The following NYAP2 variants were observed in gnomAD, a reference collection of about 807,000 sequenced individuals.
NYAP2 encodes the protein neuronal tyrosine-phosphorylated phosphoinositide-3-kinase adapter 2.
In NYAP2, 23 loss-of-function variants were observed where a neutral mutation model predicts 50.4. The observed-to-expected ratio is 0.46, with a 90% CI of 0.33 to 0.65. The LOEUF (loss-of-function observed/expected upper bound fraction) is 0.65. Ranked by LOEUF, NYAP2 falls within the 30% of genes least tolerant of loss-of-function variation. The pLI, the probability that NYAP2 is intolerant of heterozygous loss-of-function variation, is 0.02. For synonymous variants in NYAP2, 394 were observed against 365.2 expected (o/e 1.08, Z -0.90); for missense variants, 885 against 861.0 (o/e 1.03, Z -0.35).
At chr2:225,696,546 T>C in the NYAP2 span, among the ~76,000 whole-genome samples, 98 of 152,104 alleles carry the variant, frequency 6.4e-4, no homozygotes, top group African/African-American at 2.2e-3. Flanking sequence ...CCATGTTTTC[T>C]AGGTCTAGGA....
At chr2:225,654,766 A>G (rs142412852), downstream of NYAP2, among the ~76,000 whole-genome samples, 6 of 152,310 alleles carry the variant, frequency 3.9e-5, no homozygotes, top group Admixed American at 6.5e-5. Context: ...GTGCTTGTCT[A>G]TGGAGGAATC....
downstream of NYAP2, among the ~76,000 whole-genome samples, chr2:225,657,283 TG>T (rs1470207744): frequency 6.6e-6 from 1 of 151,934 alleles, no homozygotes; most frequent in African/African-American, 2.4e-5. Context: ...CTAAATTTTT[TG>T]TATTTTTAGT....
intron 5 of NYAP2, among the ~76,000 whole-genome samples, chr2:225,604,453 T>C (rs1692750454): frequency 6.6e-6 from 1 of 152,086 alleles, no homozygotes; most frequent in Non-Finnish European, 1.5e-5. Context: ...ACAGACAAAC[T>C]GAAGTCCAAA....
intron 4 of NYAP2, among the ~76,000 whole-genome samples, chr2:225,533,182 A>T (rs758136989): frequency 4.6e-5 from 7 of 152,234 alleles, no homozygotes; most frequent in Non-Finnish European, 8.8e-5. Context: ...TATTTCTTAT[A>T]AAAATGCTTA....
chr2:225,419,298 T>C (rs962965076), intron 3 of NYAP2, among the ~76,000 whole-genome samples: 22 of 152,236 alleles, frequency 1.4e-4, no homozygotes, highest in African/African-American at 5.1e-4. Context: ...GTTATTAGCA[T>C]TGGTAATGTT....
chr2:225,644,844 G>T (rs1053744864), intron 6 of NYAP2, among the ~76,000 whole-genome samples: 2 of 151,812 alleles, frequency 1.3e-5, no homozygotes, highest in African/African-American at 4.8e-5. Flanking sequence ...GGTTACTGTA[G>T]CCTTGTAGTA....
At chr2:225,602,998 G>T (rs1342448292) in intron 5 of NYAP2, among the ~76,000 whole-genome samples, 1 of 151,910 alleles carries the variant, frequency 6.6e-6, no homozygotes, top group African/African-American at 2.4e-5. Context: ...AAAAGTTATT[G>T]GGATTGTTTT....
At chr2:225,680,025 C>G in the NYAP2 span, among the ~76,000 whole-genome samples, 1 of 152,072 alleles carries the variant, frequency 6.6e-6, no homozygotes. Context: ...ATGAGATAAT[C>G]TATGAGATAG....
intron 5 of NYAP2, among the ~76,000 whole-genome samples, chr2:225,622,563 C>CTTCTTTCTT (rs1559232933): frequency 3.7e-4 from 16 of 43,742 alleles, no homozygotes; most frequent in Admixed American, 6.2e-4. Context: ...CTTTCTTTTT[C>CTTCTTTCTT]TTTCTTTCTT....
intron 2 of NYAP2, among the ~76,000 whole-genome samples, chr2:225,404,902 C>T (rs945399917): frequency 2.0e-5 from 3 of 151,916 alleles, no homozygotes; most frequent in Middle Eastern, 3.4e-3. Context: ...ATAGGAAATC[C>T]GATGTTGGTG....
intron 4 of NYAP2, among the ~76,000 whole-genome samples, chr2:225,523,371 C>A: frequency 6.6e-6 from 1 of 150,646 alleles, no homozygotes; most frequent in Non-Finnish European, 1.5e-5. Context: ...TAAATGAATT[C>A]AGTAAAGTAC....
intron 4 of NYAP2, among the ~76,000 whole-genome samples, chr2:225,536,879 C>A (rs560197742): frequency 1.3e-5 from 2 of 151,456 alleles, no homozygotes; most frequent in South Asian, 4.2e-4. Context: ...CCCGGGTTCA[C>A]GCCATTCTCC....
In NYAP2 at chr2:225,480,575, GC is replaced by G. The variant is rs540792794; in HGVS notation, c.222-32795del. On this transcript the variant is annotated intron_variant, in intron 3 of 6. Coordinates refer to ENST00000636099, the Ensembl canonical transcript of NYAP2. ...ACAAAAATGCAGGCTTCATAGAAAG[GC>G]GAGTATTTGCGTGATTGGGACATAG... Among the ~76,000 whole-genome samples, 35 of 152,178 alleles carry G rather than the reference GC, an allele frequency of 2.3e-4. No homozygotes were observed. In the East Asian group the frequency reaches 6.8e-3, roughly 29 times the overall value.
At chr2:225,511,388 A>G (rs1690815869) in intron 3 of NYAP2, among the ~76,000 whole-genome samples, 1 of 151,418 alleles carries the variant, frequency 6.6e-6, no homozygotes, top group Non-Finnish European at 1.5e-5. Flanking sequence ...AGAGAGAGAG[A>G]GAGAGGATAA....
chr2:225,459,383 CTG>C (rs1689788410), intron 3 of NYAP2, among the ~76,000 whole-genome samples: 1 of 152,140 alleles, frequency 6.6e-6, no homozygotes, highest in Non-Finnish European at 1.5e-5. Context: ...CCTCTCCCAC[CTG>C]ATGTTTGCAC....
intron 3 of NYAP2, among the ~76,000 whole-genome samples, chr2:225,467,598 T>C (rs991144397): frequency 1.3e-5 from 2 of 152,166 alleles, no homozygotes; most frequent in Non-Finnish European, 2.9e-5. Context: ...GAATAGACTA[T>C]CAAAGTCTCA....
chr2:225,519,249 TA>T (rs970240778), intron 4 of NYAP2, among the ~76,000 whole-genome samples: 88 of 151,818 alleles, frequency 5.8e-4, no homozygotes, highest in African/African-American at 2.0e-3. Context: ...AAGAATATTT[TA>T]TTTTTTTATT....
intron 3 of NYAP2, among the ~76,000 whole-genome samples, chr2:225,506,469 G>A (rs954479160): frequency 6.6e-6 from 1 of 152,196 alleles, no homozygotes; most frequent in Non-Finnish European, 1.5e-5. Context: ...ACAGGAAGAG[G>A]TGTTACTAGT....
intron 5 of NYAP2, among the ~76,000 whole-genome samples, chr2:225,586,948 C>G (rs774824346): frequency 1.3e-5 from 2 of 152,090 alleles, no homozygotes; most frequent in Admixed American, 6.5e-5. Context: ...CTGGGGAGGC[C>G]TCAGAAAACT....
Sources: allele counts gnomAD v4.1 joint callset (sites outside exome capture counted in the v4.1 genomes callset), GRCh38; gene constraint gnomAD v4.1.1; transcripts MANE v1.5; gene names NCBI Gene and HGNC (gene_info 2026-07-23, HGNC 2026-07-21).